The following AGTPBP1 variants were observed in gnomAD, a reference collection of about 807,000 sequenced individuals.
AGTPBP1 encodes the protein cytosolic carboxypeptidase 1.
A neutral mutation model predicts 143.9 loss-of-function variants in AGTPBP1; 70 were observed. That is an observed-to-expected ratio of 0.49 (90% CI 0.40 to 0.59). The LOEUF (loss-of-function observed/expected upper bound fraction) is 0.59. Ranked by LOEUF, AGTPBP1 falls within the 20% of genes least tolerant of loss-of-function variation. The probability of loss-of-function intolerance (pLI) is 0.00; values close to 1 mark genes in which losing one functional copy is unlikely to be tolerated. For synonymous variants in AGTPBP1, 463 were observed against 500.2 expected, an observed-to-expected ratio of 0.93 and a Z score of 0.99; for missense variants, 1,229 against 1,464.5, an observed-to-expected ratio of 0.84 and a Z score of 2.62.
chr9:85,758,419 C>G, the AGTPBP1 span, among the ~76,000 whole-genome samples: 1 of 152,136 alleles, frequency 6.6e-6, no homozygotes, highest in African/African-American at 2.4e-5. Context: ...CCAAGGCGGG[C>G]AGGTCACGGG....
the AGTPBP1 span, among the ~76,000 whole-genome samples, chr9:85,803,427 G>T: frequency 6.6e-6 from 1 of 152,010 alleles, no homozygotes; most frequent in African/African-American, 2.4e-5. Context: ...TTCTTTGCTG[G>T]CTTGGCTCAC....
chr9:85,619,645 T>C (rs368436269), intron 15 of AGTPBP1, among the ~76,000 whole-genome samples: 5 of 152,216 alleles, frequency 3.3e-5, no homozygotes, highest in Non-Finnish European at 5.9e-5. Context: ...TCATAAACGA[T>C]GCAGTTCTCT....
At chr9:85,630,358 C>G (rs1405260589) in intron 14 of AGTPBP1, among the ~76,000 whole-genome samples, 2 of 150,696 alleles carry the variant, frequency 1.3e-5, no homozygotes, top group African/African-American at 4.9e-5. Context: ...GATCAATTTA[C>G]TTACTTACAG....
At chr9:85,762,580 T>C in the AGTPBP1 span, among the ~76,000 whole-genome samples, 4 of 135,960 alleles carry the variant, frequency 2.9e-5, no homozygotes, top group Admixed American at 8.0e-5. Flanking sequence ...ATGCGAACAC[T>C]TGGACACAGG....
intron 19 of AGTPBP1, among the ~76,000 whole-genome samples, chr9:85,591,287 A>C (rs1007127927): frequency 7.2e-5 from 11 of 152,082 alleles, no homozygotes; most frequent in Admixed American, 1.3e-4. Flanking sequence ...AGTTTTAAGC[A>C]GGGTATTTTA....
intron 2 of AGTPBP1, among the ~76,000 whole-genome samples, chr9:85,711,533 G>A (rs1009252734): frequency 4.0e-5 from 6 of 150,596 alleles, no homozygotes; most frequent in South Asian, 2.1e-4. Flanking sequence ...TCTGACTCTC[G>A]GGTTCAAGCG....
the AGTPBP1 span, among the ~76,000 whole-genome samples, chr9:85,762,510 G>C: frequency 6.6e-6 from 1 of 151,244 alleles, no homozygotes; most frequent in Admixed American, 6.6e-5. Flanking sequence ...TCTCAGCAAA[G>C]TATTGCAAGG....
Position 85,707,988 on chromosome 9 carries a change from A to G in AGTPBP1, c.32+4514T>C, listed in dbSNP as rs138815342. Among the ~76,000 whole-genome samples, 1,508 of 152,220 alleles carry G rather than the reference A, an allele frequency of 9.9e-3. 33 individuals carry two copies. Among genetic ancestry groups the G allele is most frequent in the African/African-American group, 0.034 (1,413 of 41,522 alleles). On this transcript the variant is annotated intron_variant, in intron 2 of 25. Transcript: ENST00000357081. ...GGTGACGGGTTGATGGGTGTAACAA[A>G]CCACCATGGCACGTGTATACTTATG...
intron 7 of AGTPBP1, among the ~76,000 whole-genome samples, chr9:85,670,104 G>T (rs1326353280): frequency 6.6e-6 from 1 of 152,172 alleles, no homozygotes; most frequent in African/African-American, 2.4e-5. Context: ...AAAGTGAGTA[G>T]TAGTTAGGGC....
At chr9:85,768,710 A>T in the AGTPBP1 span, among the ~76,000 whole-genome samples, 2 of 152,122 alleles carry the variant, frequency 1.3e-5, no homozygotes, top group African/African-American at 4.8e-5. Context: ...TGCACAGAGA[A>T]ATAGAATGGC....
At chr9:85,801,763 T>A in the AGTPBP1 span, among the ~76,000 whole-genome samples, 61 of 151,806 alleles carry the variant, frequency 4.0e-4, 1 homozygote, top group East Asian at 9.7e-3. Context: ...TTTGCAAGAG[T>A]TTAACATATT....
At chr9:85,685,585 G>GA (rs975393001) in intron 3 of AGTPBP1, among the ~76,000 whole-genome samples, 39 of 150,938 alleles carry the variant, frequency 2.6e-4, no homozygotes, top group Non-Finnish European at 4.6e-4. Context: ...GTCAGATTAA[G>GA]AAAAAAAAAT....
intron 6 of AGTPBP1, 79 bp downstream of exon 6, chr9:85,677,357 C>T (rs968274892): frequency 2.3e-6 from 3 of 1,299,998 alleles, no homozygotes; most frequent in African/African-American, 3.1e-5. Context: ...TTTTTAAAAA[C>T]TGAGTAGTTA....
chr9:85,798,019 A>C, the AGTPBP1 span, among the ~76,000 whole-genome samples: 3 of 151,456 alleles, frequency 2.0e-5, no homozygotes, highest in African/African-American at 7.3e-5. Flanking sequence ...CCGCCTCTCA[A>C]GTAGTTGGGA....
intron 12 of AGTPBP1, among the ~76,000 whole-genome samples, chr9:85,645,433 T>C (rs1000634111): frequency 1.3e-4 from 20 of 152,132 alleles, no homozygotes; most frequent in African/African-American, 4.8e-4. Flanking sequence ...TGCCAGGACA[T>C]AGATGTAGTT....
At chr9:85,625,028 T>C (rs62566938) in intron 14 of AGTPBP1, among the ~76,000 whole-genome samples, 2,474 of 152,336 alleles carry the variant, frequency 0.016, 29 homozygotes, top group Middle Eastern at 0.054. Context: ...TAACTAGTCC[T>C]TGACAAATAG....
At chr9:85,728,707 A>C (rs970903108) in intron 1 of AGTPBP1, among the ~76,000 whole-genome samples, 1 of 152,188 alleles carries the variant, frequency 6.6e-6, no homozygotes, top group African/African-American at 2.4e-5. Context: ...AAAGATGAAA[A>C]AAATCAAAAC....
intron 14 of AGTPBP1, among the ~76,000 whole-genome samples, chr9:85,627,792 C>G (rs932600854): frequency 1.3e-5 from 2 of 152,152 alleles, no homozygotes; most frequent in African/African-American, 4.8e-5. Context: ...TTTTCTGTTC[C>G]TTATGATTTT....
At chr9:85,766,374 T>C in the AGTPBP1 span, among the ~76,000 whole-genome samples, 1 of 152,116 alleles carries the variant, frequency 6.6e-6, no homozygotes, top group African/African-American at 2.4e-5. Flanking sequence ...AAACATGATA[T>C]GCACTGGCAG....
Sources: gnomAD v4.1 joint callset for allele counts (sites outside exome capture counted in the v4.1 genomes callset) on GRCh38, gnomAD v4.1.1 for gene constraint, MANE v1.5 for transcripts, NCBI Gene and HGNC (gene_info 2026-07-23, HGNC 2026-07-21) for gene names.